The following ZNF597 variants were observed in gnomAD, a reference collection of about 807,000 sequenced individuals.
ZNF597 encodes the protein zinc finger protein 597.
A neutral mutation model predicts 7.3 loss-of-function variants in ZNF597; 5 were observed. That is an observed-to-expected ratio of 0.68 (90% CI 0.36 to 1.44). The LOEUF (loss-of-function observed/expected upper bound fraction) is 1.44, where lower values mean the gene tolerates loss of function less well. Ranked by LOEUF, ZNF597 falls within the 40% of genes most tolerant of loss-of-function variation. The pLI is 0.04. For synonymous variants in ZNF597, 209 were observed against 185.4 expected (o/e 1.13, Z -1.04); for missense variants, 585 against 517.9 (o/e 1.13, Z -1.26).
intron 3 of ZNF597, among the ~76,000 whole-genome samples, chr16:3,439,880 A>G (rs2034347682): frequency 6.6e-6 from 1 of 152,226 alleles, no homozygotes; most frequent in Admixed American, 6.5e-5. Context: ...TAGCAAGAAA[A>G]AAAAGTTTAA....
chr16:3,442,381 T>C (rs1373685326), intron 2 of ZNF597, among the ~76,000 whole-genome samples: 1 of 152,092 alleles, frequency 6.6e-6, no homozygotes, highest in Non-Finnish European at 1.5e-5. Flanking sequence ...TCCATCTCCA[T>C]AAAGAAGTTT....
Position 3,443,437 on chromosome 16 carries a change from G to A in ZNF597, c.-131C>T. On this transcript the variant is annotated 5_prime_UTR_variant, in exon 1 of 4. Coordinates refer to ENST00000301744, the MANE Select transcript of ZNF597 (RefSeq NM_152457.3). ...CGACGCCCGACCGAGACGCGACGAA[G>A]AACGCCACGGCCACTGCAAAACTCC... 9.6e-6 allele frequency: 5 copies of A among 519,620 alleles called. No homozygotes were observed. The South Asian group carries it at 1.4e-4, about 15-fold the overall frequency. 32.2% of individuals were successfully genotyped at this position (519,620 alleles called of 1,614,324 possible).
chr16:3,436,886 A>T lies in ZNF597; in HGVS notation c.813T>A (p.Thr271=), dbSNP rs149216873. The T allele has an allele frequency of 3.1e-6, 5 of 1,614,058 alleles. No homozygotes were observed. The African/African-American group carries it at 4.0e-5, about 13-fold the overall frequency. The stretch of plus-strand genomic sequence containing the variant: ...TCTCATTAAAATGTTTATCACAGTT[A>T]GTAGATTCGTAGGTGTTTTCAGCAC... ...SHSAENTYES[T]NCDKHFNEKP... The change falls in exon 4 of 4, where the codon ACT becomes ACA. Residue 271 remains threonine (T), a synonymous_variant. Transcript: ENST00000301744.
At chr16:3,437,646 G>C in intron 3 of ZNF597, 108 bp from the exon 4 acceptor site, 1 of 1,439,506 alleles carries the variant, frequency 6.9e-7, no homozygotes, top group Non-Finnish European at 9.1e-7. Context: ...CCTTAGAAGG[G>C]TTATTCTATA....
chr16:3,437,212 G>T lies in ZNF597; in HGVS notation c.487C>A (p.Gln163Lys). The T allele has an allele frequency of 6.2e-7, 1 of 1,614,082 alleles. No individual in the cohort carries two copies. Among genetic ancestry groups the T allele is most frequent in the South Asian group, 1.1e-5 (1 of 91,070 alleles). The change falls in exon 4 of 4, where the codon CAA (glutamine) becomes AAA (lysine). Residue 163 changes from glutamine (Q) to lysine (K), a missense_variant. Physicochemically the swap from Gln to Lys is moderately conservative, Grantham distance 53 (BLOSUM62 1). Transcript: ENST00000301744. ...AGGTATGAATGATCGCTGAAGTTTT[G>T]GTCACACTCAGGACATTTGTACACA... ...KNVYKCPECD[Q>K]NFSDHSYLVL...
rs564553696 is a variant in ZNF597 at position 3,434,526 on chromosome 16, T to A, written c.*1898A>T. ...TGACCTTGACATACAGAGCAGCACATTGTCTCAACTGTGGATCTGCAAACA... is the reference window on the plus strand; with the variant it reads ...TGACCTTGACATACAGAGCAGCACAATGTCTCAACTGTGGATCTGCAAACA... On this transcript the variant is annotated 3_prime_UTR_variant, in exon 4 of 4. Transcript: ENST00000301744. The A allele has an allele frequency of 5.3e-5, 8 of 152,266 alleles. No individual in the cohort carries two copies. The South Asian group carries it at 1.4e-3, about 28-fold the overall frequency. 9.4% of individuals were successfully genotyped at this position (152,266 alleles called of 1,614,324 possible).
chr16:3,442,909 G>T (rs991793718), intron 2 of ZNF597, among the ~76,000 whole-genome samples: 2 of 152,108 alleles, frequency 1.3e-5, no homozygotes, highest in African/African-American at 2.4e-5. Context: ...TTCCTCCACA[G>T]GTCCCTGCTC....
chr16:3,442,957 A>C (rs745598695), intron 2 of ZNF597, among the ~76,000 whole-genome samples, 164 bp downstream of exon 2: 5 of 152,210 alleles, frequency 3.3e-5, no homozygotes, highest in Non-Finnish European at 7.3e-5. Context: ...TTGGTAAACC[A>C]TTATGTGTGT....
intron 3 of ZNF597, among the ~76,000 whole-genome samples, chr16:3,439,245 T>C (rs2150933564): frequency 1.3e-5 from 2 of 150,778 alleles, no homozygotes; most frequent in Admixed American, 1.3e-4. Flanking sequence ...AAGACAAGCA[T>C]GGTAGTGCAT....
intron 3 of ZNF597, among the ~76,000 whole-genome samples, chr16:3,438,469 A>C (rs1275064993): frequency 6.6e-6 from 1 of 151,976 alleles, no homozygotes; most frequent in Non-Finnish European, 1.5e-5. Context: ...AGGCTGAGGC[A>C]GGAGAATGGC....
rs767052303 is a variant in ZNF597 at position 3,436,513 on chromosome 16, G to A, written c.1186C>T (p.Pro396Ser). 3 of 1,614,176 alleles carry A rather than the reference G, an allele frequency of 1.9e-6. No homozygotes were observed. Among genetic ancestry groups the A allele is most frequent in the Non-Finnish European group, 2.5e-6 (3 of 1,180,032 alleles). The change falls in exon 4 of 4, where the codon CCT becomes TCT. Residue 396 changes from proline (P) to serine (S), a missense_variant. Coordinates refer to ENST00000301744, the MANE Select transcript of ZNF597 (RefSeq NM_152457.3). Reference protein sequence around the residue: ...CHQKSHMLAEPFKCTVCGKTF... With the variant: ...CHQKSHMLAESFKCTVCGKTF... ...TTCCCACACACGGTACATTTAAAAGGTTCCGCTAGCATGTGGCTCTTCTGG... is the reference window on the plus strand; with the variant it reads ...TTCCCACACACGGTACATTTAAAAGATTCCGCTAGCATGTGGCTCTTCTGG...
At chr16:3,437,568 A>T (rs1487651790) in intron 3 of ZNF597, 30 bp from the exon 4 acceptor site, 1 of 1,558,568 alleles carries the variant, frequency 6.4e-7, no homozygotes, top group Non-Finnish European at 8.6e-7. Context: ...AAAGCAAAAC[A>T]TAGACAATAT....
Position 3,435,558 on chromosome 16 carries a change from C to T in ZNF597, c.*866G>A, listed in dbSNP as rs1487117735. ...GACTTCAGTTTCCTCGTTTATGAAA[C>T]AAAGATTTTTTTTCTCTGTCACAGA... is the stretch of plus-strand genomic sequence containing the variant. On this transcript the variant is annotated 3_prime_UTR_variant, in exon 4 of 4. Transcript: ENST00000301744. 1 of 111,614 alleles carries T rather than the reference C, an allele frequency of 9.0e-6. No individual in the cohort carries two copies. Among genetic ancestry groups the T allele is most frequent in the African/African-American group, 2.6e-5 (1 of 37,942 alleles). The allele number at this position is 111,614 out of a possible 1,614,324, so 6.9% of individuals were successfully genotyped here. A position where few individuals can be genotyped will look rare whatever the true frequency, so the allele number is the denominator to read the frequency against.
At chr16:3,440,328 A>C (rs2034352232) in intron 3 of ZNF597, among the ~76,000 whole-genome samples, 1 of 152,218 alleles carries the variant, frequency 6.6e-6, no homozygotes. Flanking sequence ...TACTAGACTG[A>C]ATTTTTGTCT....
In ZNF597 at chr16:3,432,915, T is replaced by C. The variant is rs750416476; in HGVS notation, c.*3509A>G. 1.3e-5 allele frequency: 2 copies of C among 152,240 alleles called. No individual in the cohort carries two copies. The highest frequency in any genetic ancestry group is 2.9e-5 in the Non-Finnish European group (2 of 68,036). The allele number at this position is 152,240 out of a possible 1,614,324, so 9.4% of individuals were successfully genotyped here. On this transcript the variant is annotated 3_prime_UTR_variant, in exon 4 of 4. Coordinates refer to ENST00000301744, the MANE Select transcript of ZNF597 (RefSeq NM_152457.3). Reference sequence around the variant, plus strand: ...AGTTTAATGAACATTCAAAATAGACTATTCATATAAACTATAACCTGCTAT... The same window carrying C: ...AGTTTAATGAACATTCAAAATAGACCATTCATATAAACTATAACCTGCTAT...
At position 3,434,347 on chromosome 16, in the gene ZNF597, G is replaced by C. The variant is rs1342909228; in HGVS notation, c.*2077C>G. The C allele has an allele frequency of 6.6e-6, 1 of 152,230 alleles. No homozygotes were observed. The highest frequency in any genetic ancestry group is 6.5e-5 in the Admixed American group (1 of 15,280). The allele number at this position is 152,230 out of a possible 1,614,324, so 9.4% of individuals were successfully genotyped here. The stretch of plus-strand genomic sequence containing the variant: ...AGGAGAGCAAGGAGGTGGTGTTCTT[G>C]TTATTTAACAAAGGTCATGGTATCT... On this transcript the variant is annotated 3_prime_UTR_variant, in exon 4 of 4. Coordinates refer to ENST00000301744, the MANE Select transcript of ZNF597 (RefSeq NM_152457.3).
rs1199544456 is a variant in ZNF597 at position 3,436,739 on chromosome 16, C to G, written c.960G>C (p.Glu320Asp). ...YPALSEKSHD[E>D]DSERCSDDGD... ...CATCATCGCTGCAGCGTTCAGAGTC[C>G]TCGTCGTGGCTCTTCTCGGAAAGGG... The change falls in exon 4 of 4, where the codon GAG becomes GAC. Residue 320 changes from glutamate (E) to aspartate (D), a missense_variant. Glu to Asp is a conservative substitution (Grantham distance 45). Transcript: ENST00000301744. 2 of 1,613,962 alleles carry G rather than the reference C, an allele frequency of 1.2e-6. No homozygotes were observed. The highest frequency in any genetic ancestry group is 2.2e-5 in the South Asian group (2 of 91,074).
At position 3,436,358 on chromosome 16, in the gene ZNF597, GT is replaced by G; in HGVS notation, c.*65del. On this transcript the variant is annotated 3_prime_UTR_variant, in exon 4 of 4. Transcript: ENST00000301744. ...TAGCACATTGCCTGGGACATATACA[GT>G]AACTGCTTCCCACCATACAGATACT... 1 of 1,486,954 alleles carries G rather than the reference GT, an allele frequency of 6.7e-7. No homozygotes were observed. The highest frequency in any genetic ancestry group is 1.4e-5 in the African/African-American group (1 of 72,074). 92.1% of individuals were successfully genotyped at this position (1,486,954 alleles called of 1,614,324 possible). A position where few individuals can be genotyped will look rare whatever the true frequency, so the allele number is the denominator to read the frequency against.
At chr16:3,437,595 G>A in intron 3 of ZNF597, 57 bp from the exon 4 acceptor site, 2 of 1,517,198 alleles carry the variant, frequency 1.3e-6, no homozygotes, top group East Asian at 2.3e-5. Context: ...GGGATACTGG[G>A]GAAAAAGTAA....
Sources: allele counts gnomAD v4.1 joint callset (sites outside exome capture counted in the v4.1 genomes callset), GRCh38; gene constraint gnomAD v4.1.1; transcripts MANE v1.5; gene names NCBI Gene and HGNC (gene_info 2026-07-23, HGNC 2026-07-21).